ALX1: variants seen among roughly 807,000 people sequenced by gnomAD.
ALX1 encodes the protein ALX homeobox protein 1.
Under a neutral mutation model 31.7 loss-of-function variants are expected in ALX1, and 19 were observed. The ratio of observed to expected loss-of-function variants is 0.60; its 90% CI spans 0.42 to 0.88. ALX1 has a LOEUF of 0.88. Ranked by LOEUF, ALX1 falls within the 40% of genes least tolerant of loss-of-function variation. The pLI is 0.00. For missense variants in ALX1, 415 were observed against 407.8 expected (o/e 1.02, Z -0.15); for synonymous variants, 153 against 148.8 (o/e 1.03, Z -0.20).
chr12:85,293,561 C>T (rs370609443), intron 3 of ALX1, among the ~76,000 whole-genome samples: 3 of 150,370 alleles, frequency 2.0e-5, no homozygotes, highest in East Asian at 1.9e-4. Context: ...ATAATTAGGC[C>T]TGTTCTTTTG....
Position 85,301,366 on chromosome 12 carries a change from A to G in ALX1, c.872A>G (p.Asn291Ser), listed in dbSNP as rs988844987. ...FTDSLLTGATNGHAFETKPEF... is the reference protein window; with the variant it reads ...FTDSLLTGATSGHAFETKPEF... ...GACTCTCTTCTTACTGGGGCAACCA[A>G]TGGACATGCATTTGAAACAAAGCCA... Residue 291 changes from asparagine to serine, a missense_variant, in exon 4 of 4, where the codon AAT becomes AGT. By Grantham distance (46) the Asn-to-Ser change is conservative. This residue lies in a region of ALX1 where 174 missense variants were observed against 177.5 expected (regional missense o/e 0.98). Coordinates refer to ENST00000316824, the MANE Select transcript of ALX1 (RefSeq NM_006982.3). The G allele has an allele frequency of 6.2e-7, 1 of 1,614,024 alleles. No homozygotes were observed. Among genetic ancestry groups the G allele is most frequent in the Non-Finnish European group, 8.5e-7 (1 of 1,179,954 alleles).
chr12:85,288,065 G>T (rs955561524), intron 3 of ALX1, among the ~76,000 whole-genome samples: 9 of 151,346 alleles, frequency 5.9e-5, no homozygotes, highest in Middle Eastern at 3.4e-3. Flanking sequence ...CACTCCTCCA[G>T]ATAAATCCCC....
chr12:85,297,195 A>G (rs1267810432), intron 3 of ALX1, among the ~76,000 whole-genome samples: 1 of 151,688 alleles, frequency 6.6e-6, no homozygotes, highest in Non-Finnish European at 1.5e-5. Flanking sequence ...TAGATGGCCT[A>G]GAACAAAGAT....
chr12:85,299,340 A>G (rs1896931895), intron 3 of ALX1, among the ~76,000 whole-genome samples: 1 of 151,684 alleles, frequency 6.6e-6, no homozygotes. Flanking sequence ...TAACTCAGCA[A>G]TCACTGATAC....
intron 2 of ALX1, among the ~76,000 whole-genome samples, chr12:85,286,016 C>T (rs1896741943): frequency 1.3e-5 from 2 of 151,806 alleles, no homozygotes; most frequent in South Asian, 4.1e-4. Context: ...AGCTTAGTGA[C>T]CTTAGCTGCC....
intron 1 of ALX1, among the ~76,000 whole-genome samples, chr12:85,282,912 CT>C (rs1200465761): frequency 6.7e-6 from 1 of 150,196 alleles, no homozygotes; most frequent in Non-Finnish European, 1.5e-5. Context: ...AAAAAAAATG[CT>C]GCTTAAATCT....
At chr12:85,282,779 G>A (rs770628345) in intron 1 of ALX1, among the ~76,000 whole-genome samples, 19 of 152,052 alleles carry the variant, frequency 1.2e-4, no homozygotes, top group Non-Finnish European at 2.4e-4. Flanking sequence ...TGTTTTAATA[G>A]CTGTTTTAAT....
At chr12:85,297,391 T>C (rs1018949106) in intron 3 of ALX1, among the ~76,000 whole-genome samples, 2 of 151,716 alleles carry the variant, frequency 1.3e-5, no homozygotes, top group Non-Finnish European at 3.0e-5. Context: ...GCACTGGAGA[T>C]GTTTACCTGG....
rs747368629 is a variant in ALX1 at position 85,283,715 on chromosome 12, G to T, written c.370G>T (p.Asp124Tyr). 1 of 1,614,134 alleles carries T rather than the reference G, an allele frequency of 6.2e-7. No homozygotes were observed. The change falls in exon 2 of 4, where the codon GAT becomes TAT. Residue 124 changes from aspartate (D) to tyrosine (Y), a missense_variant. By Grantham distance (160) the Asp-to-Tyr change is radical. Transcript: ENST00000316824. ...GCTGGATGAACTTGGGGATAAATGT[G>T]ATAGCAATGTATCCAGCAGTAAGAA... Reference protein sequence around the residue: ...GELDELGDKCDSNVSSSKKRR... With the variant: ...GELDELGDKCYSNVSSSKKRR...
chr12:85,301,017 T>A, intron 3 of ALX1, 138 bp from the exon 4 acceptor site: 2 of 803,936 alleles, frequency 2.5e-6, no homozygotes, highest in Non-Finnish European at 4.0e-6. Flanking sequence ...TTTTAGTCAT[T>A]GTTGTATGTA....
intron 3 of ALX1, among the ~76,000 whole-genome samples, chr12:85,293,152 T>C (rs1193360381): frequency 6.6e-6 from 1 of 150,460 alleles, no homozygotes; most frequent in African/African-American, 2.4e-5. Context: ...AGAAGAAATA[T>C]AATGATAATC....
chr12:85,286,855 T>G lies in ALX1; in HGVS notation c.534T>G (p.Val178=), dbSNP rs781627744. ...TCTAATTTTTATTAAATAATTAGGT[T>G]TGGTTTCAAAATCGAAGGGCCAAAT... ...RTELTEARVQ[V]WFQNRRAKWR... Residue 178 remains valine (V), a splice_region_variant and synonymous_variant, in exon 3 of 4, where the codon GTT becomes GTG. Transcript: ENST00000316824. The G allele has an allele frequency of 3.1e-6, 5 of 1,601,794 alleles. No individual in the cohort carries two copies. The highest frequency in any genetic ancestry group is 4.3e-6 in the Non-Finnish European group (5 of 1,172,422).
At chr12:85,280,518 C>G (rs373333417) in intron 1 of ALX1, 31 bp downstream of exon 1, 3 of 1,602,820 alleles carry the variant, frequency 1.9e-6, no homozygotes, top group East Asian at 2.2e-5. Context: ...CCGGAGCCGC[C>G]GCAGCCCTTC....
rs758427563 is a variant in ALX1 at position 85,301,163 on chromosome 12, C to T, written c.669C>T (p.Asn223=). The part of the protein sequence containing the change: ...PRTDSYPQIQ[N]NLWAGNASGG... ...TGTTTTATATATTCCAGATTCAGAA[C>T]AATTTGTGGGCAGGAAATGCAAGTG... The change falls in exon 4 of 4, where the codon AAC becomes AAT. Residue 223 remains asparagine, a synonymous_variant. Transcript: ENST00000316824. 1 of 1,613,892 alleles carries T rather than the reference C, an allele frequency of 6.2e-7. No individual in the cohort carries two copies. The highest frequency in any genetic ancestry group is 1.1e-5 in the South Asian group (1 of 91,082).
chr12:85,293,501 C>T (rs921868363), intron 3 of ALX1, among the ~76,000 whole-genome samples: 1 of 150,454 alleles, frequency 6.6e-6, no homozygotes, highest in African/African-American at 2.4e-5. Flanking sequence ...TCTAAAGAGG[C>T]AAAGAATATC....
intron 2 of ALX1, among the ~76,000 whole-genome samples, chr12:85,285,946 G>A (rs1415651021): frequency 6.6e-6 from 1 of 151,910 alleles, no homozygotes; most frequent in Non-Finnish European, 1.5e-5. Flanking sequence ...CCAACCTGCT[G>A]AGGAAGATGG....
At chr12:85,282,329 G>T (rs919155993) in intron 1 of ALX1, among the ~76,000 whole-genome samples, 5 of 151,934 alleles carry the variant, frequency 3.3e-5, no homozygotes, top group African/African-American at 1.2e-4. Context: ...AATGTGGAAT[G>T]ATTAAATTAC....
chr12:85,291,867 A>G (rs745438593), intron 3 of ALX1, among the ~76,000 whole-genome samples: 60 of 151,224 alleles, frequency 4.0e-4, no homozygotes, highest in Admixed American at 1.7e-3. Context: ...ATTAATGACT[A>G]TGAGCTTTCC....
chr12:85,296,022 G>A (rs912769362), intron 3 of ALX1, among the ~76,000 whole-genome samples: 4 of 151,206 alleles, frequency 2.6e-5, no homozygotes, highest in Admixed American at 1.3e-4. Context: ...TTGTTACACC[G>A]TGCTATTTTA....
Sources: allele counts gnomAD v4.1 joint callset (sites outside exome capture counted in the v4.1 genomes callset), GRCh38; gene constraint gnomAD v4.1.1; regional missense constraint gnomAD v4.1.1; transcripts MANE v1.5; gene names NCBI Gene and HGNC (gene_info 2026-07-23, HGNC 2026-07-21).